PLCB3: variants seen among roughly 807,000 people sequenced by gnomAD.
The protein encoded by PLCB3 is 1-phosphatidylinositol 4,5-bisphosphate phosphodiesterase beta-3.
PLCB3 carries 54 observed loss-of-function variants against 152.1 expected under a neutral mutation model. The ratio of observed to expected loss-of-function variants is 0.36; its 90% CI spans 0.29 to 0.45. The LOEUF (loss-of-function observed/expected upper bound fraction) is 0.45, where lower values mean the gene tolerates loss of function less well. Ranked by LOEUF, PLCB3 falls within the 20% of genes least tolerant of loss-of-function variation. PLCB3 has a pLI of 1.00. For missense variants in PLCB3, 1,248 were observed against 1,687.5 expected, an observed-to-expected ratio of 0.74 and a Z score of 4.56; for synonymous variants, 717 against 698.7, an observed-to-expected ratio of 1.03 and a Z score of -0.41.
At chr11:64,263,928 A>C in intron 21 of PLCB3, 93 bp from the exon 22 acceptor site, 2 of 1,199,502 alleles carry the variant, frequency 1.7e-6, no homozygotes, top group South Asian at 2.7e-5. Flanking sequence ...ATCTGAGGAC[A>C]AGCTCTGGAA....
rs1028386339 is a variant in PLCB3 at position 64,267,731 on chromosome 11, C to T, written c.*175C>T. 3.0e-5 allele frequency: 18 copies of T among 603,968 alleles called. No homozygotes were observed. The African/African-American group carries it at 3.0e-4, about 10-fold the overall frequency. 37.4% of individuals were successfully genotyped at this position (603,968 alleles called of 1,614,324 possible). On this transcript the variant is annotated 3_prime_UTR_variant, in exon 31 of 31. Transcript: ENST00000279230. The surrounding 1 kb of genome is among the most constrained non-coding windows in gnomAD (Gnocchi z 5.2). ...TTCATCCTCCTGGGGCCCCTCCTTCCTGCCCTCAGTCTTAGGTTAGGGCCT... is the reference window on the plus strand; with the variant it reads ...TTCATCCTCCTGGGGCCCCTCCTTCTTGCCCTCAGTCTTAGGTTAGGGCCT...
At chr11:64,256,997 CTTT>C (rs5792316) in intron 10 of PLCB3, among the ~76,000 whole-genome samples, 6 of 61,586 alleles carry the variant, frequency 9.7e-5, no homozygotes, top group Admixed American at 2.2e-4. Flanking sequence ...CTTCAGGGTC[CTTT>C]TTTTTTTTTT....
intron 1 of PLCB3, among the ~76,000 whole-genome samples, chr11:64,252,744 G>C (rs2031291863): frequency 6.6e-6 from 1 of 151,816 alleles, no homozygotes; most frequent in African/African-American, 2.4e-5. Flanking sequence ...GAAGGGAAAA[G>C]TTTCTTCTTT....
rs5792316 is a variant in PLCB3 at position 64,256,997 on chromosome 11, C to CTTTTTTTTTTTTTTTTTTTTTTTTTT, written c.1012+257_1012+258insTTTTTTTTTTTTTTTTTTTTTTTTTT. 3.7e-4 allele frequency among the ~76,000 whole-genome samples: 23 copies of CTTTTTTTTTTTTTTTTTTTTTTTTTT among 61,584 alleles called. 2 individuals carry two copies. The highest frequency in any genetic ancestry group is 1.8e-3 in the Admixed American group (8 of 4,452). The allele number at this position is 61,584 out of a possible 152,430, so 40.4% of individuals were successfully genotyped here. A position where few individuals can be genotyped will look rare whatever the true frequency, so the allele number is the denominator to read the frequency against. ...CTGCAGCAGGAGAGACTTCAGGGTC[C>CTTTTTTTTTTTTTTTTTTTTTTTTTT]TTTTTTTTTTTTTTTTTTTTTTTTG... is the stretch of plus-strand genomic sequence containing the variant. On this transcript the variant is annotated intron_variant, in intron 10 of 30. Coordinates refer to ENST00000279230, the MANE Select transcript of PLCB3 (RefSeq NM_000932.5).
intron 12 of PLCB3, 27 bp from the exon 13 acceptor site, chr11:64,259,031 G>T: frequency 1.2e-6 from 2 of 1,611,756 alleles, no homozygotes; most frequent in Non-Finnish European, 1.7e-6. Context: ...CCCGGTCCAG[G>T]GCCCTGACTC....
chr11:64,256,994 G>A (rs2031566473), intron 10 of PLCB3, among the ~76,000 whole-genome samples: 1 of 81,678 alleles, frequency 1.2e-5, no homozygotes, highest in Non-Finnish European at 3.1e-5. Flanking sequence ...AGACTTCAGG[G>A]TCCTTTTTTT....
Position 64,267,447 on chromosome 11 carries a change from T to C in PLCB3, c.3596T>C (p.Leu1199Pro), listed in dbSNP as rs1455122865. 1.3e-6 allele frequency: 2 copies of C among 1,553,144 alleles called. No homozygotes were observed. The highest frequency in any genetic ancestry group is 1.4e-5 in the African/African-American group (1 of 73,540). ...CTGCTGGGCGAGATGCCGGAGGGGC[T>C]GGGGGACGGGCCTCTGGTGGCCTGT... is the stretch of plus-strand genomic sequence containing the variant. Reference protein sequence around the residue: ...RSLLGEMPEGLGDGPLVACAS... With the variant: ...RSLLGEMPEGPGDGPLVACAS... Residue 1199 changes from leucine to proline, a missense_variant, in exon 31 of 31, where the codon CTG becomes CCG. Around this residue, in one of 6 missense-constraint regions of PLCB3, gnomAD observed 477 missense variants for 489.6 expected, o/e 0.97. Transcript: ENST00000279230. This position sits in a 1 kb window ranked among gnomAD's most constrained non-coding sequence, Gnocchi z 5.2.
rs776532182 is a variant in PLCB3 at position 64,255,683 on chromosome 11, C to T, written c.598-38C>T. 39 of 1,607,166 alleles carry T rather than the reference C, an allele frequency of 2.4e-5. No individual in the cohort carries two copies. Among genetic ancestry groups the T allele is most frequent in the Non-Finnish European group, 3.2e-5 (37 of 1,174,454 alleles). On this transcript the variant is annotated intron_variant, in intron 7 of 30. Transcript: ENST00000279230. This position sits in a 1 kb window ranked among gnomAD's most constrained non-coding sequence, Gnocchi z 6.8. ...GGGCACCCACCCTTACGGGGCTGCC[C>T]GCCCCTGGCTTCTCACCCCACACTC...
downstream of PLCB3, chr11:64,268,942 C>T (rs770449359): frequency 7.2e-5 from 11 of 152,368 alleles, no homozygotes; most frequent in Non-Finnish European, 1.5e-4. Context: ...GCAATGGCCC[C>T]AGACTTCCTC....
At chr11:64,251,869 G>C in intron 1 of PLCB3, 121 bp downstream of exon 1, 1 of 504,050 alleles carries the variant, frequency 2.0e-6, no homozygotes, top group Non-Finnish European at 3.3e-6. Flanking sequence ...TCCCAGTCTG[G>C]CGGCGCCCCG....
rs2849005 is a variant in PLCB3 at position 64,255,660 on chromosome 11, G to A, written c.597+44G>A. 1 of 1,601,262 alleles carries A rather than the reference G, an allele frequency of 6.2e-7. No individual in the cohort carries two copies. Among genetic ancestry groups the A allele is most frequent in the Non-Finnish European group, 8.5e-7 (1 of 1,172,286 alleles). On this transcript the variant is annotated intron_variant, in intron 7 of 30. Transcript: ENST00000279230. The surrounding 1 kb of genome is among the most constrained non-coding windows in gnomAD (Gnocchi z 6.8). ...GGGGCGGGGTGGGGTGTCACGGTGG[G>A]CACCCACCCTTACGGGGCTGCCCGC... is the stretch of plus-strand genomic sequence containing the variant.
intron 1 of PLCB3, among the ~76,000 whole-genome samples, chr11:64,252,824 G>T (rs909825932): frequency 4.6e-5 from 7 of 152,078 alleles, no homozygotes; most frequent in Non-Finnish European, 7.4e-5. Flanking sequence ...GGGGTGGGGG[G>T]TGCTGACGGA....
chr11:64,262,119 T>G (rs367716980), intron 17 of PLCB3, 43 bp downstream of exon 17: 81 of 1,612,494 alleles, frequency 5.0e-5, no homozygotes, highest in Non-Finnish European at 6.9e-5. Context: ...CCCTCAGTCT[T>G]ACTGACTTCT....
Position 64,265,025 on chromosome 11 carries a change from C to T in PLCB3, c.2727C>T (p.Thr909=), listed in dbSNP as rs750880569. 6.3e-7 allele frequency: 1 copy of T among 1,597,336 alleles called. No individual in the cohort carries two copies. The highest frequency in any genetic ancestry group is 8.5e-7 in the Non-Finnish European group (1 of 1,170,370). Residue 909 remains threonine (T), a synonymous_variant, in exon 23 of 31, where the codon ACC becomes ACT. Transcript: ENST00000279230. ...QLGSQPSSNP[T]PSPLDASPRR... is the part of the protein sequence containing the mutation. ...GGTCTCAGCCGTCCTCAAACCCCAC[C>T]CCCAGCCCACTGGATGCCTCCCCCC...
chr11:64,266,415 C>T lies in PLCB3; in HGVS notation c.3356+11C>T, dbSNP rs761229437. On this transcript the variant is annotated intron_variant, in intron 28 of 30. Transcript: ENST00000279230. The surrounding 1 kb of genome is among the most constrained non-coding windows in gnomAD (Gnocchi z 4.9). ...GCATAAGAAGGAGGCGTAAGGGCAC[C>T]GGGACCGGGGGCCATCTGGGTACTG... 10 of 1,601,242 alleles carry T rather than the reference C, an allele frequency of 6.2e-6. No individual in the cohort carries two copies. Among genetic ancestry groups the T allele is most frequent in the East Asian group, 2.2e-5 (1 of 44,824 alleles).
At position 64,258,153 on chromosome 11, in the gene PLCB3, C is replaced by CAA. The variant is rs34969821; in HGVS notation, c.1013-305_1013-304dup. Reference sequence around the variant, plus strand: ...TGGGTGACAGAGCGAGGTTCCGTCTCAAAAAAAAAAAAAAAAGAGATTGGA... The same window carrying CAA: ...TGGGTGACAGAGCGAGGTTCCGTCTCAAAAAAAAAAAAAAAAAAGAGATTGGA... On this transcript the variant is annotated intron_variant, in intron 10 of 30. Transcript: ENST00000279230. This position sits in a 1 kb window ranked among gnomAD's most constrained non-coding sequence, Gnocchi z 7.2. Among the ~76,000 whole-genome samples the CAA allele has an allele frequency of 6.1e-5, 6 of 99,040 alleles. No homozygotes were observed. Among genetic ancestry groups the CAA allele is most frequent in the Admixed American group, 1.0e-4 (1 of 9,760 alleles). 65.0% of individuals were successfully genotyped at this position (99,040 alleles called of 152,430 possible). A position where few individuals can be genotyped will look rare whatever the true frequency, so the allele number is the denominator to read the frequency against.
intron 1 of PLCB3, among the ~76,000 whole-genome samples, chr11:64,252,531 C>T (rs914007080): frequency 6.6e-6 from 1 of 152,232 alleles, no homozygotes; most frequent in East Asian, 1.9e-4. Flanking sequence ...TCCACCCGGC[C>T]GGCCTGAGCT....
Position 64,258,394 on chromosome 11 carries a change from G to A in PLCB3, c.1013-79G>A. 6.6e-7 allele frequency: 1 copy of A among 1,518,958 alleles called. No individual in the cohort carries two copies. The highest frequency in any genetic ancestry group is 2.3e-5 in the East Asian group (1 of 42,954). 94.1% of individuals were successfully genotyped at this position (1,518,958 alleles called of 1,614,324 possible). On this transcript the variant is annotated intron_variant, in intron 10 of 30. Transcript: ENST00000279230. This position sits in a 1 kb window ranked among gnomAD's most constrained non-coding sequence, Gnocchi z 7.2. ...GGAGAGCCCTCTGCAAATCCAGCAT[G>A]TCCTGGTTCCAGGTGGGGCCGGGGT...
chr11:64,256,229 G>A, intron 8 of PLCB3, 147 bp from the exon 9 acceptor site: 1 of 660,596 alleles, frequency 1.5e-6, no homozygotes, highest in South Asian at 1.9e-5. Flanking sequence ...GAGGCCCAGA[G>A]GTTGGCCATG....
Sources: gnomAD v4.1 joint callset for allele counts (sites outside exome capture counted in the v4.1 genomes callset) on GRCh38, gnomAD v4.1.1 for gene constraint, gnomAD v4.1.1 regional missense constraint, Gnocchi (gnomAD v3.1) non-coding constraint, MANE v1.5 for transcripts, NCBI Gene and HGNC (gene_info 2026-07-23, HGNC 2026-07-21) for gene names.